GABRG3: variants seen among roughly 807,000 people sequenced by gnomAD.
The protein encoded by GABRG3 is gamma-aminobutyric acid receptor subunit gamma-3.
Under a neutral mutation model 48.8 loss-of-function variants are expected in GABRG3, and 25 were observed. The ratio of observed to expected loss-of-function variants is 0.51; its 90% CI spans 0.37 to 0.72. The LOEUF is 0.72. GABRG3 is among the 30% of genes least tolerant of loss of function. The pLI, the probability that GABRG3 is intolerant of heterozygous loss-of-function variation, is 0.00. For synonymous variants in GABRG3, 227 were observed against 217.6 expected (o/e 1.04, Z -0.38); for missense variants, 394 against 577.9 (o/e 0.68, Z 3.26).
chr15:27,156,822 A>T (rs1163176714), intron 3 of GABRG3, among the ~76,000 whole-genome samples: 2 of 152,230 alleles, frequency 1.3e-5, no homozygotes, highest in Non-Finnish European at 2.9e-5. Flanking sequence ...TGGAACTTAC[A>T]GATAGAATTC....
intron 3 of GABRG3, among the ~76,000 whole-genome samples, chr15:27,184,521 C>T (rs1378029632): frequency 1.3e-5 from 2 of 152,124 alleles, no homozygotes; most frequent in Non-Finnish European, 2.9e-5. Context: ...TTATTGGTCT[C>T]ATGAAGCTTA....
At chr15:27,376,387 T>C (rs28831390) in intron 5 of GABRG3, among the ~76,000 whole-genome samples, 3,585 of 152,306 alleles carry the variant, frequency 0.024, 145 homozygotes, top group African/African-American at 0.083. Flanking sequence ...ACAGCTCCAC[T>C]AGGCAGTGCC....
rs552439855 is a variant in GABRG3 at position 27,100,972 on chromosome 15, G to T, written c.270+74151G>T. On this transcript the variant is annotated intron_variant, in intron 3 of 9. Coordinates refer to ENST00000615808, the MANE Select transcript of GABRG3 (RefSeq NM_033223.5). ...GCACTGGAAGTCCTAGCACCTGCAC[G>T]TGGCAAGAATAAGCAATTATTAGGC... 1.2e-3 allele frequency among the ~76,000 whole-genome samples: 185 copies of T among 152,294 alleles called. 1 individual carries two copies. The highest frequency in any genetic ancestry group is 4.2e-3 in the African/African-American group (176 of 41,560).
chr15:27,246,745 A>T (rs991771286), intron 3 of GABRG3, among the ~76,000 whole-genome samples: 2 of 152,210 alleles, frequency 1.3e-5, no homozygotes, highest in African/African-American at 4.8e-5. Context: ...TGTGGTTATC[A>T]TGATCTGATT....
intron 5 of GABRG3, among the ~76,000 whole-genome samples, chr15:27,469,598 C>T (rs1262594057): frequency 6.6e-6 from 1 of 152,174 alleles, no homozygotes; most frequent in Non-Finnish European, 1.5e-5. Context: ...GCCTCGGCCT[C>T]CCAAAGTGCT....
chr15:27,202,496 T>C (rs902569285), intron 3 of GABRG3, among the ~76,000 whole-genome samples: 1 of 152,310 alleles, frequency 6.6e-6, no homozygotes, highest in South Asian at 2.1e-4. Context: ...GATTGGCAGG[T>C]TGCTTTCCAG....
chr15:27,216,789 T>TTTTA, intron 3 of GABRG3, among the ~76,000 whole-genome samples: 1 of 124,714 alleles, frequency 8.0e-6, no homozygotes, highest in Non-Finnish European at 1.7e-5. Context: ...TTTTTTTTTT[T>TTTTA]ATTATACTCT....
intron 3 of GABRG3, among the ~76,000 whole-genome samples, chr15:27,088,350 C>G (rs1897123196): frequency 6.6e-6 from 1 of 151,810 alleles, no homozygotes; most frequent in Admixed American, 6.6e-5. Context: ...TCTGGGGAAG[C>G]CCCAGGAGAA....
At chr15:27,396,392 T>C (rs4300596) in intron 5 of GABRG3, among the ~76,000 whole-genome samples, 74,192 of 152,090 alleles carry the variant, frequency 0.49, 19,146 homozygotes, top group East Asian at 0.99. Context: ...GTCAGATATG[T>C]GTATGAAAAT....
intron 2 of GABRG3, among the ~76,000 whole-genome samples, chr15:26,988,164 T>A (rs1272919501): frequency 6.6e-6 from 1 of 152,162 alleles, no homozygotes; most frequent in African/African-American, 2.4e-5. Flanking sequence ...ACAAATTAGG[T>A]GAAGTTGGTT....
At chr15:27,257,196 G>A (rs1890647211) in intron 3 of GABRG3, among the ~76,000 whole-genome samples, 1 of 150,472 alleles carries the variant, frequency 6.6e-6, no homozygotes, top group Non-Finnish European at 1.5e-5. Flanking sequence ...AAACCTGTTG[G>A]CCATTTTTTT....
At position 27,456,548 on chromosome 15, in the gene GABRG3, C is replaced by A. The variant is rs377621847; in HGVS notation, c.575-24102C>A. Among the ~76,000 whole-genome samples, 9 of 152,176 alleles carry A rather than the reference C, an allele frequency of 5.9e-5. No homozygotes were observed. In the South Asian group the frequency reaches 1.9e-3, roughly 32 times the overall value. On this transcript the variant is annotated intron_variant, in intron 5 of 9. Coordinates refer to ENST00000615808, the MANE Select transcript of GABRG3 (RefSeq NM_033223.5). ...CTGCTGCACATTATACAAGAAGAGG[C>A]CAGGAGTCCACCAGTGGGTCGAGAA... is the stretch of plus-strand genomic sequence containing the variant.
intron 3 of GABRG3, among the ~76,000 whole-genome samples, chr15:27,085,198 G>C (rs1226378140): frequency 6.6e-6 from 1 of 152,136 alleles, no homozygotes; most frequent in South Asian, 2.1e-4. Context: ...GGAGAGGAGG[G>C]GAGTCTGACC....
intron 3 of GABRG3, among the ~76,000 whole-genome samples, chr15:27,178,911 GGT>G (rs1471198235): frequency 6.6e-6 from 1 of 152,130 alleles, no homozygotes; most frequent in Non-Finnish European, 1.5e-5. Context: ...CAGAGGGAGT[GGT>G]ACGTAATACT....
chr15:27,134,271 G>C (rs180722212), intron 3 of GABRG3, among the ~76,000 whole-genome samples: 8 of 152,302 alleles, frequency 5.3e-5, no homozygotes, highest in Admixed American at 5.2e-4. Flanking sequence ...CGAGCAGACT[G>C]CAGGTACTAA....
At chr15:27,485,215 A>G (rs1890192905) in intron 6 of GABRG3, among the ~76,000 whole-genome samples, 1 of 152,192 alleles carries the variant, frequency 6.6e-6, no homozygotes. Context: ...GTCTGGCAAG[A>G]AGGTGGCTAT....
intron 5 of GABRG3, among the ~76,000 whole-genome samples, chr15:27,389,722 A>G (rs1304276740): frequency 6.6e-6 from 1 of 152,236 alleles, no homozygotes; most frequent in Admixed American, 6.5e-5. Flanking sequence ...TGACCCTTCG[A>G]GTTAACACAT....
chr15:27,190,807 A>C (rs1366575185), intron 3 of GABRG3, among the ~76,000 whole-genome samples: 1 of 151,588 alleles, frequency 6.6e-6, no homozygotes, highest in Non-Finnish European at 1.5e-5. Flanking sequence ...TAGTTCTTTT[A>C]ATTGTGATGT....
chr15:27,137,639 C>T (rs1898032984), intron 3 of GABRG3, among the ~76,000 whole-genome samples: 1 of 151,810 alleles, frequency 6.6e-6, no homozygotes, highest in African/African-American at 2.4e-5. Context: ...AGTCGTGTGA[C>T]CAACTGTTTC....
Sources: gnomAD v4.1 joint callset for allele counts (sites outside exome capture counted in the v4.1 genomes callset) on GRCh38, gnomAD v4.1.1 for gene constraint, MANE v1.5 for transcripts, NCBI Gene and HGNC (gene_info 2026-07-23, HGNC 2026-07-21) for gene names.